FAT3: variants seen among roughly 807,000 people sequenced by gnomAD.
FAT3 encodes the protein protocadherin Fat 3.
FAT3 carries 95 observed loss-of-function variants against 310.2 expected under a neutral mutation model. The ratio of observed to expected loss-of-function variants is 0.31; its 90% CI spans 0.26 to 0.36. The LOEUF is 0.36. Ranked by LOEUF, FAT3 falls within the 10% of genes least tolerant of loss-of-function variation. The pLI, the probability that FAT3 is intolerant of heterozygous loss-of-function variation, is 1.00. For synonymous variants in FAT3, 2,314 were observed against 2,192.9 expected, an observed-to-expected ratio of 1.06 and a Z score of -1.54; for missense variants, 5,408 against 5,715.6, an observed-to-expected ratio of 0.95 and a Z score of 1.74.
intron 2 of FAT3, among the ~76,000 whole-genome samples, chr11:92,485,472 A>G (rs893913008): frequency 1.3e-5 from 2 of 152,298 alleles, no homozygotes; most frequent in Non-Finnish European, 2.9e-5. Flanking sequence ...TATTTAGACT[A>G]TTGGAATAAT....
Position 92,844,460 on chromosome 11 carries a change from A to G in FAT3, c.11093A>G (p.Gln3698Arg). Residue 3698 changes from glutamine to arginine, a missense_variant, in exon 19 of 28, where the codon CAA becomes CGA. Physicochemically the swap from Gln to Arg is conservative, Grantham distance 43. Around this residue, in one of 5 missense-constraint regions of FAT3, gnomAD observed 4,588 missense variants for 4,809.8 expected, o/e 0.95. Coordinates refer to ENST00000525166, the MANE Select transcript of FAT3 (RefSeq NM_001367949.2). ...ISIQPVAGTN[Q>R]LDMLFAVEMH... ...ATCCAGCCCGTGGCAGGCACCAACCAACTGGACATGCTGTTTGCGGTGGAG... is the reference window on the plus strand; with the variant it reads ...ATCCAGCCCGTGGCAGGCACCAACCGACTGGACATGCTGTTTGCGGTGGAG... 1 of 1,614,010 alleles carries G rather than the reference A, an allele frequency of 6.2e-7. No individual in the cohort carries two copies.
chr11:92,429,626 CCTT>C (rs758386800), intron 2 of FAT3, among the ~76,000 whole-genome samples: 43 of 152,058 alleles, frequency 2.8e-4, no homozygotes, highest in Admixed American at 5.2e-4. Context: ...TTTTATTTCT[CCTT>C]TATGTGTGAA....
intron 3 of FAT3, among the ~76,000 whole-genome samples, chr11:92,530,708 A>G (rs1954037718): frequency 6.6e-6 from 1 of 152,044 alleles, no homozygotes; most frequent in Non-Finnish European, 1.5e-5. Context: ...AACAAACATT[A>G]TTGTATTTTA....
intron 2 of FAT3, among the ~76,000 whole-genome samples, chr11:92,473,236 G>A (rs1052516750): frequency 9.2e-5 from 14 of 152,000 alleles, no homozygotes; most frequent in Admixed American, 2.0e-4. Context: ...CTTAATTGGC[G>A]CAGTACTTAC....
chr11:92,376,424 C>T (rs1949347440), intron 2 of FAT3, among the ~76,000 whole-genome samples: 1 of 152,166 alleles, frequency 6.6e-6, no homozygotes, highest in African/African-American at 2.4e-5. Flanking sequence ...GTGGGGAACG[C>T]AAGCAAATGT....
intron 1 of FAT3, among the ~76,000 whole-genome samples, chr11:92,315,812 A>G (rs1205012696): frequency 6.6e-6 from 1 of 151,974 alleles, no homozygotes; most frequent in Non-Finnish European, 1.5e-5. Flanking sequence ...GTGAGCCACC[A>G]TGCCTGATCC....
At chr11:92,837,362 C>T (rs573975642) in intron 16 of FAT3, among the ~76,000 whole-genome samples, 12 of 152,264 alleles carry the variant, frequency 7.9e-5, no homozygotes, top group African/African-American at 2.2e-4. Context: ...CCCCCAGGGA[C>T]GTTTGGCAAC....
At chr11:92,445,145 G>A (rs1410670336) in intron 2 of FAT3, among the ~76,000 whole-genome samples, 1 of 152,174 alleles carries the variant, frequency 6.6e-6, no homozygotes, top group African/African-American at 2.4e-5. Context: ...CCCAAACTAT[G>A]AGAAAATAAA....
At chr11:92,370,916 A>T (rs918854665) in intron 2 of FAT3, among the ~76,000 whole-genome samples, 4 of 152,214 alleles carry the variant, frequency 2.6e-5, no homozygotes, top group Admixed American at 2.6e-4. Context: ...AAGAACCAGG[A>T]TGTAAGCAAT....
chr11:92,232,637 T>G (rs1387951965), intron 1 of FAT3, among the ~76,000 whole-genome samples: 10 of 144,232 alleles, frequency 6.9e-5, no homozygotes, highest in South Asian at 4.7e-4. Context: ...CGTTTTTTTT[T>G]TTTTTTTTTT....
intron 3 of FAT3, among the ~76,000 whole-genome samples, chr11:92,635,637 G>T (rs1229797814): frequency 6.6e-6 from 1 of 152,170 alleles, no homozygotes; most frequent in Non-Finnish European, 1.5e-5. Context: ...TCCCCAGAAT[G>T]CCTGCTGTTT....
intron 4 of FAT3, among the ~76,000 whole-genome samples, chr11:92,738,517 C>T (rs1440808363): frequency 6.6e-6 from 1 of 152,182 alleles, no homozygotes; most frequent in African/African-American, 2.4e-5. Context: ...TTTTGTTCAT[C>T]ATCATCTCTC....
At chr11:92,433,957 A>G (rs1950863033) in intron 2 of FAT3, among the ~76,000 whole-genome samples, 1 of 150,766 alleles carries the variant, frequency 6.6e-6, no homozygotes, top group Non-Finnish European at 1.5e-5. Flanking sequence ...TGGAGTTTGC[A>G]GTAAGCCGAG....
chr11:92,505,208 C>A, intron 2 of FAT3, among the ~76,000 whole-genome samples: 1 of 152,080 alleles, frequency 6.6e-6, no homozygotes, highest in East Asian at 1.9e-4. Flanking sequence ...TCCGTTGAAC[C>A]AATTCCTGAT....
chr11:92,705,568 G>A (rs200133341), intron 4 of FAT3, among the ~76,000 whole-genome samples: 1 of 90,200 alleles, frequency 1.1e-5, no homozygotes, highest in Non-Finnish European at 2.3e-5. Flanking sequence ...TGATGGTGGT[G>A]GTGGTGGTGA....
At chr11:92,808,556 A>G (rs1427160188) in intron 12 of FAT3, among the ~76,000 whole-genome samples, 1 of 152,168 alleles carries the variant, frequency 6.6e-6, no homozygotes, top group Non-Finnish European at 1.5e-5. Flanking sequence ...TGAGTAGGAG[A>G]GGGAAATGAT....
intron 1 of FAT3, among the ~76,000 whole-genome samples, chr11:92,286,925 A>G (rs1294760262): frequency 1.3e-5 from 2 of 152,190 alleles, no homozygotes; most frequent in Non-Finnish European, 2.9e-5. Flanking sequence ...CAGCTTTAAG[A>G]AGCTGCCCTT....
chr11:92,437,817 T>A (rs562576098), intron 2 of FAT3, among the ~76,000 whole-genome samples: 1 of 152,144 alleles, frequency 6.6e-6, no homozygotes. Context: ...CAGTCTTGAA[T>A]GCCAGAACAT....
chr11:92,726,292 A>G (rs1944995982), intron 4 of FAT3, among the ~76,000 whole-genome samples: 1 of 152,206 alleles, frequency 6.6e-6, no homozygotes, highest in Admixed American at 6.5e-5. Flanking sequence ...AACTATGGAT[A>G]TAAGTGGTTT....
Sources: gnomAD v4.1 joint callset for allele counts (sites outside exome capture counted in the v4.1 genomes callset) on GRCh38, gnomAD v4.1.1 for gene constraint, gnomAD v4.1.1 regional missense constraint, MANE v1.5 for transcripts, NCBI Gene and HGNC (gene_info 2026-07-23, HGNC 2026-07-21) for gene names.